Variants in SLC2A13 observed in about 807,000 individuals in gnomAD.
The protein encoded by SLC2A13 is proton myo-inositol cotransporter.
In SLC2A13, 32 loss-of-function variants were observed where a neutral mutation model predicts 64.4. The observed-to-expected ratio is 0.50, with a 90% CI of 0.37 to 0.67. The LOEUF is 0.67. Among genes scored for constraint, SLC2A13 ranks in the 30% least tolerant of loss-of-function variants. The pLI is 0.00. For missense variants in SLC2A13, 743 were observed against 829.2 expected (o/e 0.90, Z 1.28); for synonymous variants, 338 against 327.1 (o/e 1.03, Z -0.36).
intron 7 of SLC2A13, among the ~76,000 whole-genome samples, chr12:39,797,589 T>A (rs773916218): frequency 2.6e-4 from 40 of 152,210 alleles, no homozygotes; most frequent in Non-Finnish European, 4.7e-4. Context: ...TCGTCCCTTT[T>A]GTTGTCTCTC....
chr12:39,778,090 C>A (rs887452330), intron 7 of SLC2A13, among the ~76,000 whole-genome samples: 49 of 152,148 alleles, frequency 3.2e-4, no homozygotes. Context: ...TGTATGCTCC[C>A]CTAGAGGTTT....
intron 1 of SLC2A13, among the ~76,000 whole-genome samples, chr12:40,089,259 T>C (rs1038316044): frequency 1.4e-4 from 22 of 151,976 alleles, no homozygotes; most frequent in African/African-American, 5.1e-4. Flanking sequence ...CTAAAATATA[T>C]CCAAGAAAAG....
chr12:39,918,932 A>ATACG (rs529573689), intron 4 of SLC2A13, among the ~76,000 whole-genome samples: 5,285 of 150,098 alleles, frequency 0.035, 208 homozygotes, highest in Admixed American at 0.12. Flanking sequence ...TTCAGGTTAT[A>ATACG]CACGCGCACA....
chr12:39,862,051 C>A (rs766382255), intron 6 of SLC2A13, among the ~76,000 whole-genome samples: 7 of 152,156 alleles, frequency 4.6e-5, no homozygotes, highest in African/African-American at 7.2e-5. Flanking sequence ...CCCTAACAGG[C>A]GCCAGTGTGT....
intron 1 of SLC2A13, among the ~76,000 whole-genome samples, chr12:40,063,488 AAAAGCAGC>A (rs1451932263): frequency 6.6e-6 from 1 of 152,122 alleles, no homozygotes; most frequent in East Asian, 1.9e-4. Context: ...AAGAAAAAAA[AAAAGCAGC>A]TGCTATGTCT....
intron 4 of SLC2A13, among the ~76,000 whole-genome samples, chr12:39,881,260 G>A (rs1944329261): frequency 6.6e-6 from 1 of 152,080 alleles, no homozygotes. Flanking sequence ...TTCTTCATAT[G>A]TGTCTTTCAG....
intron 1 of SLC2A13, among the ~76,000 whole-genome samples, chr12:40,103,724 C>A (rs1488043783): frequency 1.3e-5 from 2 of 152,054 alleles, no homozygotes; most frequent in African/African-American, 4.8e-5. Context: ...ATGTCAGAAG[C>A]AACAAAAAAG....
chr12:39,971,994 A>AT lies in SLC2A13; in HGVS notation c.926-20630_926-20629insA, dbSNP rs1402957989. 7.6e-3 allele frequency among the ~76,000 whole-genome samples: 298 copies of AT among 38,960 alleles called. 3 individuals carry two copies. The highest frequency in any genetic ancestry group is 0.056 in the South Asian group (49 of 878). The allele number at this position is 38,960 out of a possible 152,430, so 25.6% of individuals were successfully genotyped here. Reference sequence around the variant, plus strand: ...CAAGAGTGTCTCCAGAAAAAAAAAAAAAAATATATATATATATATATTTTT... The same window carrying AT: ...CAAGAGTGTCTCCAGAAAAAAAAAAATAAAATATATATATATATATATTTTT... On this transcript the variant is annotated intron_variant, in intron 3 of 9. Transcript: ENST00000280871.
chr12:40,071,473 A>C (rs1016228778), intron 1 of SLC2A13, among the ~76,000 whole-genome samples: 3 of 152,250 alleles, frequency 2.0e-5, no homozygotes, highest in African/African-American at 7.2e-5. Flanking sequence ...ATACTGGTCT[A>C]TAGTTTTCTT....
chr12:39,930,421 T>C (rs73092243), intron 4 of SLC2A13, among the ~76,000 whole-genome samples: 5,652 of 152,192 alleles, frequency 0.037, 182 homozygotes, highest in East Asian at 0.14. Context: ...AAAAATGAGA[T>C]ATAATTATAT....
intron 4 of SLC2A13, among the ~76,000 whole-genome samples, chr12:39,877,023 A>G (rs1944200996): frequency 6.6e-6 from 1 of 152,150 alleles, no homozygotes; most frequent in Non-Finnish European, 1.5e-5. Context: ...TTTTGGTACC[A>G]TATGCCAAAG....
intron 1 of SLC2A13, among the ~76,000 whole-genome samples, chr12:40,093,996 C>T (rs558236977): frequency 9.9e-5 from 15 of 152,210 alleles, no homozygotes; most frequent in East Asian, 1.9e-4. Flanking sequence ...AGGGTGAACA[C>T]GTAGCAGACT....
chr12:39,812,097 G>C (rs1336958490), intron 7 of SLC2A13, among the ~76,000 whole-genome samples: 1 of 152,006 alleles, frequency 6.6e-6, no homozygotes, highest in Non-Finnish European at 1.5e-5. Flanking sequence ...TATTTCTCAG[G>C]GTTTTGGAGG....
At chr12:39,881,419 T>G (rs1365727758) in intron 4 of SLC2A13, among the ~76,000 whole-genome samples, 1 of 152,124 alleles carries the variant, frequency 6.6e-6, no homozygotes, top group Non-Finnish European at 1.5e-5. Context: ...ATGCATCATT[T>G]CCTCACGACT....
chr12:39,758,095 T>C lies in SLC2A13; in HGVS notation c.*1931A>G, dbSNP rs375263329. The C allele has an allele frequency of 6.6e-6, 1 of 151,576 alleles. No homozygotes were observed. Among genetic ancestry groups the C allele is most frequent in the East Asian group, 1.9e-4 (1 of 5,166 alleles). 9.4% of individuals were successfully genotyped at this position (151,576 alleles called of 1,614,324 possible). ...TTTCCCTATTAAATCATATCTGCTTTTCTGAGGAAAAAATCAATACTAATA... is the reference window on the plus strand; with the variant it reads ...TTTCCCTATTAAATCATATCTGCTTCTCTGAGGAAAAAATCAATACTAATA... On this transcript the variant is annotated 3_prime_UTR_variant, in exon 10 of 10. Coordinates refer to ENST00000280871, the MANE Select transcript of SLC2A13 (RefSeq NM_052885.4).
At chr12:40,042,494 T>C (rs1468156945) in intron 2 of SLC2A13, among the ~76,000 whole-genome samples, 1 of 152,198 alleles carries the variant, frequency 6.6e-6, no homozygotes, top group African/African-American at 2.4e-5. Flanking sequence ...TTCTTTCTCT[T>C]ATTTGTACCT....
intron 7 of SLC2A13, among the ~76,000 whole-genome samples, chr12:39,794,363 T>C (rs1195831788): frequency 2.0e-5 from 3 of 152,206 alleles, no homozygotes; most frequent in African/African-American, 7.2e-5. Flanking sequence ...TCACTGGGCA[T>C]AGAATTATAA....
chr12:39,901,916 C>A (rs1224851152), intron 4 of SLC2A13, among the ~76,000 whole-genome samples: 12 of 151,764 alleles, frequency 7.9e-5, no homozygotes, highest in East Asian at 3.9e-4. Context: ...GGCATTATTC[C>A]CAATAGCAAA....
chr12:40,057,617 G>T (rs1272044759), intron 1 of SLC2A13, among the ~76,000 whole-genome samples: 1 of 152,018 alleles, frequency 6.6e-6, no homozygotes, highest in Non-Finnish European at 1.5e-5. Context: ...TATTTTCTTA[G>T]TTCTAAGTAA....
Sources: gnomAD v4.1 joint callset for allele counts (sites outside exome capture counted in the v4.1 genomes callset) on GRCh38, gnomAD v4.1.1 for gene constraint, MANE v1.5 for transcripts, NCBI Gene and HGNC (gene_info 2026-07-23, HGNC 2026-07-21) for gene names.